The following CFAP54 variants were observed in gnomAD, a reference collection of about 807,000 sequenced individuals.
CFAP54 encodes cilia and flagella associated protein 54, also known as cilia- and flagella-associated protein 54.
CFAP54 carries 290 observed loss-of-function variants against 370.4 expected under a neutral mutation model. The observed-to-expected ratio is 0.78, with a 90% CI of 0.71 to 0.86. The LOEUF (loss-of-function observed/expected upper bound fraction) is 0.86, where lower values mean the gene tolerates loss of function less well. CFAP54 is among the 40% of genes least tolerant of loss of function. CFAP54 has a pLI of 0.00. For synonymous variants in CFAP54, 1,206 were observed against 1,236.5 expected (o/e 0.98, Z 0.52); for missense variants, 3,399 against 3,528.7 (o/e 0.96, Z 0.93).
intron 26 of CFAP54, among the ~76,000 whole-genome samples, chr12:96,607,878 T>C (rs893717625): frequency 6.6e-6 from 1 of 151,286 alleles, no homozygotes; most frequent in Non-Finnish European, 1.5e-5. Flanking sequence ...AAGACCGAGG[T>C]CCAAAAATTA....
chr12:96,533,742 A>C (rs1193542592), intron 9 of CFAP54, 50 bp from the exon 10 acceptor site: 1 of 1,305,916 alleles, frequency 7.7e-7, no homozygotes, highest in Non-Finnish European at 1.0e-6. Flanking sequence ...ATATTTAATA[A>C]ATATTTATTT....
chr12:96,679,712 C>G lies in CFAP54; in HGVS notation c.5676C>G (p.His1892Gln). ...AATACCATAACAGATCAATCCGACA[C>G]AGCAGAAAGTTGCTTTCATTATTTC... is the stretch of plus-strand genomic sequence containing the variant. ...KSKYHNRSIR[H>Q]SRKLLSLFLA... Residue 1892 changes from histidine (H) to glutamine (Q), a missense_variant, in exon 40 of 68, where the codon CAC (histidine) becomes CAG (glutamine). By Grantham distance (24) the His-to-Gln change is conservative. Transcript: ENST00000524981. The G allele has an allele frequency of 6.2e-7, 1 of 1,613,460 alleles. No individual in the cohort carries two copies.
rs567979993 is a variant in CFAP54 at position 96,741,534 on chromosome 12, GC to G, written c.7072-901del. On this transcript the variant is annotated intron_variant, in intron 51 of 67. Transcript: ENST00000524981. The stretch of plus-strand genomic sequence containing the variant: ...TCCTGTACTACCCACCTGCATTTGA[GC>G]CCCTTTAGGCCCCATTAGCTACTCC... Among the ~76,000 whole-genome samples the G allele has an allele frequency of 4.6e-3, 697 of 152,202 alleles. 5 individuals are homozygous for G. Among genetic ancestry groups the G allele is most frequent in the Middle Eastern group, 0.01 (3 of 294 alleles).
chr12:96,768,584 G>A (rs1203198668), intron 60 of CFAP54, among the ~76,000 whole-genome samples: 1 of 152,010 alleles, frequency 6.6e-6, no homozygotes, highest in Non-Finnish European at 1.5e-5. Context: ...AACCTGGGAG[G>A]CAGAGGTTGC....
Position 96,752,720 on chromosome 12 carries a change from C to T in CFAP54, c.7685-1023C>T, listed in dbSNP as rs186016394. ...AAAGTGCCCCGTGCTTTCTCTGCTA[C>T]ACAATTGGCCATGCAGTATTTTGAT... On this transcript the variant is annotated intron_variant, in intron 55 of 67. Transcript: ENST00000524981. Among the ~76,000 whole-genome samples, 1,122 of 152,298 alleles carry T rather than the reference C, an allele frequency of 7.4e-3. 45 individuals carry two copies. Among genetic ancestry groups the T allele is most frequent in the East Asian group, 9.4e-3 (49 of 5,190 alleles).
chr12:96,538,644 A>C (rs1164581192), intron 13 of CFAP54, 126 bp downstream of exon 13: 5 of 862,818 alleles, frequency 5.8e-6, no homozygotes, highest in East Asian at 5.3e-5. Context: ...GCATATATAC[A>C]TATATAAAGA....
intron 66 of CFAP54, among the ~76,000 whole-genome samples, chr12:96,858,741 G>A (rs1372853820): frequency 1.3e-5 from 2 of 152,060 alleles, no homozygotes; most frequent in African/African-American, 2.4e-5. Flanking sequence ...AAGAAATCAG[G>A]GAAGACACAA....
Position 96,679,760 on chromosome 12 carries a change from G to A in CFAP54, c.5716+8G>A. 6.2e-7 allele frequency: 1 copy of A among 1,611,420 alleles called. No individual in the cohort carries two copies. Among genetic ancestry groups the A allele is most frequent in the South Asian group, 1.1e-5 (1 of 90,592 alleles). On this transcript the variant is annotated splice_region_variant and intron_variant, in intron 40 of 67. Coordinates refer to ENST00000524981, the MANE Select transcript of CFAP54 (RefSeq NM_001306084.2). Reference sequence around the variant, plus strand: ...TTCTTGCACAGACACAAGGTAAAATGCATGTTCTGTATCTCTGAATCTTTC... The same window carrying A: ...TTCTTGCACAGACACAAGGTAAAATACATGTTCTGTATCTCTGAATCTTTC...
chr12:96,700,734 G>T (rs1867581049), intron 46 of CFAP54, among the ~76,000 whole-genome samples: 1 of 152,146 alleles, frequency 6.6e-6, no homozygotes, highest in Non-Finnish European at 1.5e-5. Flanking sequence ...TAGTCTTCAT[G>T]GTGGTCTGGG....
intron 65 of CFAP54, among the ~76,000 whole-genome samples, chr12:96,824,703 C>A (rs1222418764): frequency 6.6e-6 from 1 of 152,112 alleles, no homozygotes; most frequent in East Asian, 1.9e-4. Flanking sequence ...AGCTGGCCCA[C>A]TTCTAGCCGT....
In CFAP54 at chr12:96,621,871, G is replaced by GT. The variant is rs1290967830; in HGVS notation, c.3771+153dup. The GT allele has an allele frequency of 7.3e-3, 375 of 51,324 alleles. 3 individuals are homozygous for GT. Among genetic ancestry groups the GT allele is most frequent in the Middle Eastern group, 0.017 (1 of 58 alleles). The allele number at this position is 51,324 out of a possible 1,614,324, so 3.2% of individuals were successfully genotyped here. Reference sequence around the variant, plus strand: ...AAGTATTATAGTAAAGAGCTTTTGGGTTTGTTTTTTTTTTTTTTTTTTTTT... The same window carrying GT: ...AAGTATTATAGTAAAGAGCTTTTGGGTTTTGTTTTTTTTTTTTTTTTTTTTT... On this transcript the variant is annotated intron_variant, in intron 27 of 67. Coordinates refer to ENST00000524981, the MANE Select transcript of CFAP54 (RefSeq NM_001306084.2).
At chr12:96,576,506 AAC>A (rs1202435505) in intron 19 of CFAP54, 77 bp from the exon 20 acceptor site, 1 of 1,062,908 alleles carries the variant, frequency 9.4e-7, no homozygotes. Flanking sequence ...AACATTGTTT[AAC>A]ATCACTAGAA....
rs531394871 is a variant in CFAP54 at position 96,806,899 on chromosome 12, C to T, written c.8851-4837C>T. Among the ~76,000 whole-genome samples the T allele has an allele frequency of 1.5e-4, 23 of 152,280 alleles. 2 individuals carry two copies. Among genetic ancestry groups the T allele is most frequent in the South Asian group, 1.2e-3 (6 of 4,826 alleles). On this transcript the variant is annotated intron_variant, in intron 63 of 67. Transcript: ENST00000524981. ...AAAGTGTGGCTGAGAACCAGCAGCA[C>T]TAGCATCCCCTGGAAGTTCATTAGA...
At chr12:96,616,246 G>T (rs1215711375) in intron 26 of CFAP54, among the ~76,000 whole-genome samples, 1 of 152,026 alleles carries the variant, frequency 6.6e-6, no homozygotes, top group Admixed American at 6.6e-5. Flanking sequence ...ATCATTCTCA[G>T]CAAACTATCC....
chr12:96,854,317 ATAG>A (rs1959639484), intron 66 of CFAP54, among the ~76,000 whole-genome samples: 2 of 152,174 alleles, frequency 1.3e-5, no homozygotes, highest in African/African-American at 4.8e-5. Flanking sequence ...TGAATAAAAA[ATAG>A]TAGCGAAATA....
intron 66 of CFAP54, among the ~76,000 whole-genome samples, chr12:96,839,864 C>A (rs1019719849): frequency 7.2e-5 from 11 of 152,192 alleles, no homozygotes; most frequent in African/African-American, 2.7e-4. Context: ...TGGAACATAA[C>A]TTGTGACCTC....
intron 49 of CFAP54, 25 bp from the exon 50 acceptor site, chr12:96,720,380 G>A (rs373818344): frequency 1.7e-5 from 24 of 1,386,774 alleles, no homozygotes; most frequent in Non-Finnish European, 2.3e-5. Context: ...CTGAACTCAC[G>A]TGATGTATGG....
At chr12:96,737,598 T>A (rs1018077971) in intron 50 of CFAP54, among the ~76,000 whole-genome samples, 3 of 151,602 alleles carry the variant, frequency 2.0e-5, no homozygotes, top group African/African-American at 7.3e-5. Context: ...CAAACCATCC[T>A]CCTGCCTCAG....
At chr12:96,576,064 G>A (rs1002878251) in intron 19 of CFAP54, among the ~76,000 whole-genome samples, 1 of 151,774 alleles carries the variant, frequency 6.6e-6, no homozygotes, top group African/African-American at 2.4e-5. Flanking sequence ...TTAAAAAGTG[G>A]TTGCCTTTCC....
Sources: gnomAD v4.1 joint callset for allele counts (sites outside exome capture counted in the v4.1 genomes callset) on GRCh38, gnomAD v4.1.1 for gene constraint, MANE v1.5 for transcripts, NCBI Gene and HGNC (gene_info 2026-07-23, HGNC 2026-07-21) for gene names.